Variants in DIDO1 observed in about 807,000 individuals in gnomAD.
DIDO1 encodes the protein death-inducer obliterator 1.
Under a neutral mutation model 99.4 loss-of-function variants are expected in DIDO1, and 16 were observed. The observed-to-expected ratio is 0.16, with a 90% CI of 0.11 to 0.24. DIDO1 has a LOEUF of 0.24. Among genes scored for constraint, DIDO1 ranks in the 10% least tolerant of loss-of-function variants. The pLI, the probability that DIDO1 is intolerant of heterozygous loss-of-function variation, is 1.00. For synonymous variants in DIDO1, 1,366 were observed against 1,239.1 expected (o/e 1.10, Z -2.15); for missense variants, 2,996 against 3,014.0 (o/e 0.99, Z 0.14).
chr20:62,888,695 A>G (rs2147376910), intron 15 of DIDO1: 1 of 985,534 alleles, frequency 1.0e-6, no homozygotes, highest in South Asian at 4.7e-5. Flanking sequence ...CTACACATTT[A>G]CACCACAAAG....
chr20:62,904,780 CAA>C (rs58039393), intron 6 of DIDO1, among the ~76,000 whole-genome samples: 1,050 of 62,480 alleles, frequency 0.017, 8 homozygotes, highest in African/African-American at 0.055. Context: ...ACTCTTGTCT[CAA>C]AAAAAAAAAA....
chr20:62,918,216 T>C (rs1042287033), intron 1 of DIDO1, among the ~76,000 whole-genome samples: 1 of 152,252 alleles, frequency 6.6e-6, no homozygotes, highest in Non-Finnish European at 1.5e-5. Flanking sequence ...ACTGCAACTA[T>C]TACAATGCAT....
Position 62,921,712 on chromosome 20 carries a change from C to T in DIDO1, c.-200+4727G>A, listed in dbSNP as rs1352306938. Among the ~76,000 whole-genome samples, 4 of 150,540 alleles carry T rather than the reference C, an allele frequency of 2.7e-5. No individual in the cohort carries two copies. In the East Asian group the frequency reaches 7.8e-4, roughly 29 times the overall value. On this transcript the variant is annotated intron_variant, in intron 1 of 15. Transcript: ENST00000395343. ...TGGAGCGACTGATCACGGCTCACTG[C>T]AGCCTCAATCTCCCTGGGCTCAGGT... is the stretch of plus-strand genomic sequence containing the variant.
intron 1 of DIDO1, among the ~76,000 whole-genome samples, chr20:62,934,132 C>T (rs1465805058): frequency 6.6e-6 from 1 of 152,174 alleles, no homozygotes; most frequent in Non-Finnish European, 1.5e-5. Flanking sequence ...GATGCCAACC[C>T]GTGTGGCCCT....
At chr20:62,897,935 C>A (rs1356885564) in intron 6 of DIDO1, among the ~76,000 whole-genome samples, 2 of 152,144 alleles carry the variant, frequency 1.3e-5, no homozygotes, top group African/African-American at 4.8e-5. Context: ...CATGAGGGCC[C>A]CAGGATGGCA....
At chr20:62,906,483 C>T (rs775696079) in intron 5 of DIDO1, among the ~76,000 whole-genome samples, 12 of 152,308 alleles carry the variant, frequency 7.9e-5, no homozygotes, top group East Asian at 1.9e-4. Flanking sequence ...AAGGCCTGCG[C>T]GCGAGGCTGT....
At chr20:62,913,820 T>G (rs2055694695) in intron 2 of DIDO1, among the ~76,000 whole-genome samples, 1 of 152,252 alleles carries the variant, frequency 6.6e-6, no homozygotes, top group African/African-American at 2.4e-5. Context: ...CAGGAAGAGC[T>G]CTAGTTTATA....
chr20:62,881,517 T>TG lies in DIDO1; in HGVS notation c.4438_4439insC (p.Glu1480AlafsTer90). The TG allele has an allele frequency of 6.2e-7, 1 of 1,611,346 alleles. No individual in the cohort carries two copies. Among genetic ancestry groups the TG allele is most frequent in the Non-Finnish European group, 8.5e-7 (1 of 1,180,010 alleles). On this transcript the variant is annotated frameshift_variant, in exon 16 of 16. Transcript: ENST00000395343. LOFTEE classifies it low-confidence loss of function (END_TRUNC). The surrounding 1 kb of genome is among the most constrained non-coding windows in gnomAD (Gnocchi z 8.3). Reference sequence around the variant, plus strand: ...CTCCTCGATCTGTTTGTTCAGCTCTTCTAGCATCTTCTGTTGCTCCACCAG... The same window carrying TG: ...CTCCTCGATCTGTTTGTTCAGCTCTTGCTAGCATCTTCTGTTGCTCCACCAG...
chr20:62,922,101 TATATATATACAC>T (rs1568885551), intron 1 of DIDO1, among the ~76,000 whole-genome samples: 1,352 of 125,786 alleles, frequency 0.011, 7 homozygotes, highest in Non-Finnish European at 0.016. Context: ...ATATACACAC[TATATATATACAC>T]ACACACACAC....
Position 62,880,956 on chromosome 20 carries a change from G to C in DIDO1, c.5000C>G (p.Ala1667Gly). Residue 1667 changes from alanine to glycine, a missense_variant, in exon 16 of 16, where the codon GCC becomes GGC. Transcript: ENST00000395343. ...RVLLPTPPCGALQPGFPLQHD... is the reference protein window; with the variant it reads ...RVLLPTPPCGGLQPGFPLQHD... ...CTGCAGCGGGAAGCCGGGCTGCAGG[G>C]CGCCGCAAGGCGGTGTGGGCAGCAG... is the stretch of plus-strand genomic sequence containing the variant. 1 of 1,607,058 alleles carries C rather than the reference G, an allele frequency of 6.2e-7. No homozygotes were observed. The highest frequency in any genetic ancestry group is 8.5e-7 in the Non-Finnish European group (1 of 1,179,556).
In DIDO1 at chr20:62,896,862, T is replaced by G; in HGVS notation, c.1723A>C (p.Asn575His). 1 of 1,614,152 alleles carries G rather than the reference T, an allele frequency of 6.2e-7. No individual in the cohort carries two copies. Among genetic ancestry groups the G allele is most frequent in the East Asian group, 2.2e-5 (1 of 44,890 alleles). Residue 575 changes from asparagine (N) to histidine (H), a missense_variant, in exon 7 of 16, where the codon AAT becomes CAT. By Grantham distance (68) the Asn-to-His change is moderately conservative. Around this residue, in one of 5 missense-constraint regions of DIDO1, gnomAD observed 898 missense variants for 972.7 expected, o/e 0.92. Coordinates refer to ENST00000395343, the MANE Select transcript of DIDO1 (RefSeq NM_001193369.2). The surrounding 1 kb of genome is among the most constrained non-coding windows in gnomAD (Gnocchi z 4.4). ...ATGGCTGGTGTGGCTGCTGCCACATTAGCAAAAGAAGACTTCTTTGGCACG... is the reference window on the plus strand; with the variant it reads ...ATGGCTGGTGTGGCTGCTGCCACATGAGCAAAAGAAGACTTCTTTGGCACG... ...NLVPKKSSFA[N>H]VAAATPAIKK...
At chr20:62,935,289 T>G (rs1444971797) in intron 1 of DIDO1, among the ~76,000 whole-genome samples, 1 of 152,182 alleles carries the variant, frequency 6.6e-6, no homozygotes, top group African/African-American at 2.4e-5. Context: ...CCAGTTAAGA[T>G]CCTCATAATC....
chr20:62,923,271 G>C lies in DIDO1; in HGVS notation c.-200+3168C>G, dbSNP rs1028119704. 7.2e-5 allele frequency among the ~76,000 whole-genome samples: 11 copies of C among 152,156 alleles called. No individual in the cohort carries two copies. The South Asian group carries it at 1.4e-3, about 20-fold the overall frequency. On this transcript the variant is annotated intron_variant, in intron 1 of 15. Coordinates refer to ENST00000395343, the MANE Select transcript of DIDO1 (RefSeq NM_001193369.2). ...GCTCACTGCAACCTCGACCTCCCAGGTTCAAGCGATTCTCCCACCTCGGCC... is the reference window on the plus strand; with the variant it reads ...GCTCACTGCAACCTCGACCTCCCAGCTTCAAGCGATTCTCCCACCTCGGCC...
chr20:62,929,042 A>C (rs1278055624), upstream of DIDO1: 1 of 152,210 alleles, frequency 6.6e-6, no homozygotes, highest in Non-Finnish European at 1.5e-5. Context: ...ACCCTGACCC[A>C]AAATAAAAAT....
In DIDO1 at chr20:62,881,508, T is replaced by C. The variant is rs748235647; in HGVS notation, c.4448A>G (p.Asn1483Ser). The C allele has an allele frequency of 6.2e-7, 1 of 1,611,218 alleles. No homozygotes were observed. The highest frequency in any genetic ancestry group is 1.3e-5 in the African/African-American group (1 of 75,036). The stretch of plus-strand genomic sequence containing the variant: ...TCTCTTCTGCTCCTCGATCTGTTTG[T>C]TCAGCTCTTCTAGCATCTTCTGTTG... The part of the protein sequence containing the change: ...VEQQKMLEEL[N>S]KQIEEQKRQL... The change falls in exon 16 of 16, where the codon AAC becomes AGC. Residue 1483 changes from asparagine (N) to serine (S), a missense_variant. Asn to Ser is a conservative substitution (Grantham distance 46). Around this residue, in one of 5 missense-constraint regions of DIDO1, gnomAD observed 1,562 missense variants for 1,412.6 expected, o/e 1.11. Coordinates refer to ENST00000395343, the MANE Select transcript of DIDO1 (RefSeq NM_001193369.2). This position sits in a 1 kb window ranked among gnomAD's most constrained non-coding sequence, Gnocchi z 8.3.
chr20:62,924,405 C>A (rs1225613385), intron 1 of DIDO1, among the ~76,000 whole-genome samples: 1 of 152,122 alleles, frequency 6.6e-6, no homozygotes, highest in Non-Finnish European at 1.5e-5. Flanking sequence ...ATGGGACAGG[C>A]ATATAAAAAG....
In DIDO1 at chr20:62,910,942, CCCT is replaced by C. The variant is rs1353124965; in HGVS notation, c.668_670del (p.Gln223_Gly224delinsArg). The C allele has an allele frequency of 6.2e-7, 1 of 1,614,194 alleles. No individual in the cohort carries two copies. On this transcript the variant is annotated inframe_deletion, in exon 3 of 16. Coordinates refer to ENST00000395343, the MANE Select transcript of DIDO1 (RefSeq NM_001193369.2). ...ATCTTTCCCAGCCTGGGACACAACCCCCTGATCGTTCTCGGGCTCCTGCTTACT... is the reference window on the plus strand; with the variant it reads ...ATCTTTCCCAGCCTGGGACACAACCCGATCGTTCTCGGGCTCCTGCTTACT...
In DIDO1 at chr20:62,893,745, C is replaced by G; in HGVS notation, c.3022G>C (p.Val1008Leu). 1 of 1,614,208 alleles carries G rather than the reference C, an allele frequency of 6.2e-7. No homozygotes were observed. Among genetic ancestry groups the G allele is most frequent in the Non-Finnish European group, 8.5e-7 (1 of 1,180,036 alleles). Residue 1008 changes from valine to leucine, a missense_variant, in exon 12 of 16, where the codon GTG becomes CTG. By Grantham distance (32) the Val-to-Leu change is conservative (BLOSUM62 1). Transcript: ENST00000395343. Reference sequence around the variant, plus strand: ...GGCTTAGCTAGTATGGACTTGGGCACCATCACAGAAGTCAAGACAGGCTTC... The same window carrying G: ...GGCTTAGCTAGTATGGACTTGGGCAGCATCACAGAAGTCAAGACAGGCTTC... ...VPKPVLTSVM[V>L]PKSILAKPSS...
In DIDO1 at chr20:62,897,401, GA is replaced by G. The variant is rs901433431; in HGVS notation, c.1589-406del. 4.4e-4 allele frequency among the ~76,000 whole-genome samples: 67 copies of G among 152,326 alleles called. 1 individual carries two copies. Among genetic ancestry groups the G allele is most frequent in the African/African-American group, 1.6e-3 (67 of 41,576 alleles). On this transcript the variant is annotated intron_variant, in intron 6 of 15. Transcript: ENST00000395343. The stretch of plus-strand genomic sequence containing the variant: ...GTGCAAACTGTTTGTAAACTTCAGT[GA>G]AAAAGACCGTTTAGAAGCGTAAAAC...
Sources: allele counts gnomAD v4.1 joint callset (sites outside exome capture counted in the v4.1 genomes callset), GRCh38; gene constraint gnomAD v4.1.1; regional missense constraint gnomAD v4.1.1; non-coding constraint Gnocchi (gnomAD v3.1); transcripts MANE v1.5; gene names NCBI Gene and HGNC (gene_info 2026-07-23, HGNC 2026-07-21).